ADAMTSL1: variants seen among roughly 807,000 people sequenced by gnomAD.
ADAMTSL1 encodes ADAMTS like 1, also known as ADAMTS-like protein 1.
Under a neutral mutation model 201.8 loss-of-function variants are expected in ADAMTSL1, and 126 were observed. That is an observed-to-expected ratio of 0.62 (90% CI 0.54 to 0.72). The LOEUF (loss-of-function observed/expected upper bound fraction) is 0.72, where lower values mean the gene tolerates loss of function less well. Ranked by LOEUF, ADAMTSL1 falls within the 30% of genes least tolerant of loss-of-function variation. The pLI is 0.00. For missense variants in ADAMTSL1, 2,679 were observed against 2,277.8 expected (o/e 1.18, Z -3.59); for synonymous variants, 1,121 against 903.4 (o/e 1.24, Z -4.32).
At chr9:18,273,583 G>T (rs1832469219) in intron 2 of ADAMTSL1, among the ~76,000 whole-genome samples, 1 of 152,184 alleles carries the variant, frequency 6.6e-6, no homozygotes, top group African/African-American at 2.4e-5. Flanking sequence ...TTCCAAATTT[G>T]AAAATATATT....
chr9:18,276,835 A>C (rs1832606785), intron 2 of ADAMTSL1, among the ~76,000 whole-genome samples: 2 of 151,946 alleles, frequency 1.3e-5, no homozygotes, highest in African/African-American at 4.8e-5. Context: ...TGGAAGACCC[A>C]CCCCCAGGAC....
chr9:18,005,990 G>A (rs556396042), intron 1 of ADAMTSL1, among the ~76,000 whole-genome samples: 12 of 151,956 alleles, frequency 7.9e-5, no homozygotes, highest in Middle Eastern at 3.4e-3. Flanking sequence ...GATCATGTAT[G>A]TGTGAATTCC....
intron 1 of ADAMTSL1, among the ~76,000 whole-genome samples, chr9:17,921,937 A>C (rs1456656654): frequency 1.3e-5 from 2 of 152,174 alleles, no homozygotes; most frequent in East Asian, 3.8e-4. Flanking sequence ...GAGATACAGC[A>C]CAGAAATATT....
In ADAMTSL1 at chr9:18,777,611, TC is replaced by T; in HGVS notation, c.3386del (p.Pro1129GlnfsTer2). ...CCTGAAGCCCTCGGAGCGCAGGACTTCCCCAGTGACTCTCTCGCCTCATAAA... is the reference window on the plus strand; with the variant it reads ...CCTGAAGCCCTCGGAGCGCAGGACTTCCCAGTGACTCTCTCGCCTCATAAA... ...TLLKPSERRTSPVTLSPHKHV... is the reference protein window; with the variant it reads ...TLLKPSERRTXPVTLSPHKHV... On this transcript the variant is annotated frameshift_variant, in exon 19 of 29. Transcript: ENST00000380548. LOFTEE classifies it high-confidence loss of function. 1 of 1,613,472 alleles carries T rather than the reference TC, an allele frequency of 6.2e-7. No homozygotes were observed. The highest frequency in any genetic ancestry group is 8.5e-7 in the Non-Finnish European group (1 of 1,179,796).
chr9:18,824,811 C>T (rs1012557669), intron 21 of ADAMTSL1, among the ~76,000 whole-genome samples: 2 of 148,084 alleles, frequency 1.4e-5, no homozygotes, highest in African/African-American at 5.0e-5. Flanking sequence ...GATTCTCCTG[C>T]CTCAGCCTCC....
At chr9:18,409,129 A>T (rs1818323699) in intron 2 of ADAMTSL1, among the ~76,000 whole-genome samples, 1 of 152,066 alleles carries the variant, frequency 6.6e-6, no homozygotes, top group Non-Finnish European at 1.5e-5. Context: ...CACACCTGTA[A>T]TCCCAGCACT....
At chr9:18,166,443 A>C in intron 2 of ADAMTSL1, among the ~76,000 whole-genome samples, 1 of 151,952 alleles carries the variant, frequency 6.6e-6, no homozygotes, top group East Asian at 1.9e-4. Context: ...CTAAATGCAA[A>C]GCATTCTTCT....
intron 12 of ADAMTSL1, among the ~76,000 whole-genome samples, chr9:18,684,088 A>G (rs1159747326): frequency 6.6e-6 from 1 of 152,110 alleles, no homozygotes; most frequent in African/African-American, 2.4e-5. Flanking sequence ...AGTAACTAGG[A>G]AGTTTGTTTT....
intron 7 of ADAMTSL1, among the ~76,000 whole-genome samples, chr9:18,657,161 T>A (rs145084115): frequency 1.7e-4 from 26 of 152,354 alleles, no homozygotes; most frequent in African/African-American, 5.8e-4. Context: ...AGAAGCCCAA[T>A]ATGTGTCTCT....
intron 14 of ADAMTSL1, among the ~76,000 whole-genome samples, chr9:18,712,291 A>G (rs1349808925): frequency 6.6e-6 from 1 of 152,228 alleles, no homozygotes; most frequent in Non-Finnish European, 1.5e-5. Flanking sequence ...CAGACAATCA[A>G]ATTACTCCGA....
chr9:18,291,076 C>T (rs1050039833), intron 2 of ADAMTSL1, among the ~76,000 whole-genome samples: 15 of 152,092 alleles, frequency 9.9e-5, no homozygotes, highest in African/African-American at 1.7e-4. Flanking sequence ...CCACCGCACC[C>T]GGGCCACTAA....
At chr9:18,541,836 G>T (rs1820169115) in intron 3 of ADAMTSL1, among the ~76,000 whole-genome samples, 1 of 152,210 alleles carries the variant, frequency 6.6e-6, no homozygotes, top group Admixed American at 6.5e-5. Context: ...GGTGTGATAT[G>T]CTCATAGCAT....
intron 1 of ADAMTSL1, among the ~76,000 whole-genome samples, chr9:18,000,450 G>A (rs1046345142): frequency 6.6e-6 from 1 of 151,588 alleles, no homozygotes; most frequent in Admixed American, 6.6e-5. Flanking sequence ...CTCTCCTATG[G>A]ACCCACAGTC....
chr9:17,915,564 G>T (rs774985007), intron 1 of ADAMTSL1, among the ~76,000 whole-genome samples: 15 of 152,158 alleles, frequency 9.9e-5, no homozygotes, highest in Non-Finnish European at 1.9e-4. Flanking sequence ...TGTTTAATTT[G>T]TGTTAGGTAA....
At chr9:17,938,605 T>C (rs1000308359) in intron 1 of ADAMTSL1, among the ~76,000 whole-genome samples, 1 of 152,118 alleles carries the variant, frequency 6.6e-6, no homozygotes, top group Non-Finnish European at 1.5e-5. Context: ...CACTGTAAAG[T>C]AGAAAACTGC....
At chr9:18,698,520 A>C (rs1831710951) in intron 13 of ADAMTSL1, among the ~76,000 whole-genome samples, 1 of 152,064 alleles carries the variant, frequency 6.6e-6, no homozygotes, top group South Asian at 2.1e-4. Context: ...TCCCGACCTC[A>C]AGTGATCTGC....
At chr9:18,424,207 T>G (rs1819092662) in intron 2 of ADAMTSL1, among the ~76,000 whole-genome samples, 1 of 152,178 alleles carries the variant, frequency 6.6e-6, no homozygotes, top group Non-Finnish European at 1.5e-5. Flanking sequence ...TTTCTTCCAT[T>G]TCCAAGACTC....
intron 1 of ADAMTSL1, among the ~76,000 whole-genome samples, chr9:18,081,164 T>C (rs187823450): frequency 6.6e-6 from 1 of 152,196 alleles, no homozygotes; most frequent in Non-Finnish European, 1.5e-5. Context: ...CTTTGATAAG[T>C]CTAGTCTATC....
Position 18,761,619 on chromosome 9 carries a change from C to T in ADAMTSL1, c.2217+8111C>T, listed in dbSNP as rs1588060633. On this transcript the variant is annotated intron_variant, in intron 16 of 28. Transcript: ENST00000380548. ...ATTTAATTTCATTAATTTTCTCTTG[C>T]CATTGCTCCTTTGGAAACATTTTTT... is the stretch of plus-strand genomic sequence containing the variant. Among the ~76,000 whole-genome samples the T allele has an allele frequency of 2.0e-5, 3 of 152,158 alleles. No individual in the cohort carries two copies. The South Asian group carries it at 6.2e-4, about 32-fold the overall frequency.
Sources: gnomAD v4.1 joint callset for allele counts (sites outside exome capture counted in the v4.1 genomes callset) on GRCh38, gnomAD v4.1.1 for gene constraint, MANE v1.5 for transcripts, NCBI Gene and HGNC (gene_info 2026-07-23, HGNC 2026-07-21) for gene names.